Variants in UBR3 observed in about 807,000 individuals in gnomAD.
UBR3 encodes E3 ubiquitin-protein ligase UBR3.
In UBR3, 85 loss-of-function variants were observed where a neutral mutation model predicts 243.2. The ratio of observed to expected loss-of-function variants is 0.35; its 90% CI spans 0.29 to 0.42. The LOEUF (loss-of-function observed/expected upper bound fraction) is 0.42, where lower values mean the gene tolerates loss of function less well. Among genes scored for constraint, UBR3 ranks in the 10% least tolerant of loss-of-function variants. The pLI is 1.00. For missense variants in UBR3, 1,686 were observed against 2,300.8 expected, an observed-to-expected ratio of 0.73 and a Z score of 5.47; for synonymous variants, 748 against 799.8, an observed-to-expected ratio of 0.94 and a Z score of 1.09.
chr2:169,912,606 A>G (rs1251378639), intron 10 of UBR3, among the ~76,000 whole-genome samples: 6 of 152,126 alleles, frequency 3.9e-5, no homozygotes, highest in Admixed American at 3.3e-4. Flanking sequence ...CCTTTAATCA[A>G]TTGATAGATA....
At chr2:170,064,803 A>ATT in intron 35 of UBR3, among the ~76,000 whole-genome samples, 12 of 87,872 alleles carry the variant, frequency 1.4e-4, no homozygotes, top group Admixed American at 2.5e-4. Flanking sequence ...TGCTTTTTCT[A>ATT]TTTTTTTTTT....
chr2:169,836,377 G>A lies in UBR3; in HGVS notation c.545+8325G>A, dbSNP rs146266851. ...TGGAATTACAGGCATGGGCTACCAC[G>A]CCTGGCCCCACCAGGAATTTGAGGT... On this transcript the variant is annotated intron_variant, in intron 1 of 38. Coordinates refer to ENST00000272793, the MANE Select transcript of UBR3 (RefSeq NM_172070.4). Among the ~76,000 whole-genome samples, 8 of 151,700 alleles carry A rather than the reference G, an allele frequency of 5.3e-5. No individual in the cohort carries two copies. The East Asian group carries it at 1.4e-3, about 26-fold the overall frequency.
intron 1 of UBR3, among the ~76,000 whole-genome samples, chr2:169,866,256 C>A (rs1402741753): frequency 3.0e-4 from 34 of 113,284 alleles, no homozygotes; most frequent in African/African-American, 9.7e-4. Context: ...GACTGTGTCT[C>A]AAAAAAAAAA....
At chr2:169,845,436 AG>A (rs2082431787) in intron 1 of UBR3, among the ~76,000 whole-genome samples, 2 of 146,966 alleles carry the variant, frequency 1.4e-5, no homozygotes, top group Admixed American at 1.4e-4. Flanking sequence ...AAAAAAAAAA[AG>A]AAATTTTGAG....
At chr2:169,948,023 A>G (rs1464392802) in intron 22 of UBR3, 7 of 736,264 alleles carry the variant, frequency 9.5e-6, no homozygotes, top group African/African-American at 3.8e-5. Context: ...TTGTGTGTGT[A>G]TGGGTGTTTA....
intron 24 of UBR3, among the ~76,000 whole-genome samples, chr2:169,970,377 G>C (rs1255484844): frequency 5.1e-5 from 2 of 39,030 alleles, no homozygotes; most frequent in Non-Finnish European, 9.3e-5. Flanking sequence ...CATTGTGCAG[G>C]TTAGTTACAT....
chr2:169,877,461 A>AT (rs1441563273), intron 3 of UBR3, 33 bp from the exon 4 acceptor site: 7 of 1,509,314 alleles, frequency 4.6e-6, no homozygotes, highest in African/African-American at 1.4e-5. Context: ...TGAATGGAAT[A>AT]TTTTTTTCTG....
chr2:170,081,162 A>G (rs567353537), intron 38 of UBR3, among the ~76,000 whole-genome samples: 7 of 151,072 alleles, frequency 4.6e-5, no homozygotes, highest in African/African-American at 7.3e-5. Flanking sequence ...CTGCACACCA[A>G]CCTGGGCAAC....
chr2:169,876,245 T>C (rs913888517), intron 3 of UBR3, among the ~76,000 whole-genome samples: 3 of 152,038 alleles, frequency 2.0e-5, no homozygotes, highest in African/African-American at 7.2e-5. Context: ...TACGCCCAGC[T>C]AATTTTTTGT....
intron 1 of UBR3, among the ~76,000 whole-genome samples, chr2:169,870,957 A>G (rs1260425854): frequency 6.6e-6 from 1 of 151,578 alleles, no homozygotes; most frequent in African/African-American, 2.4e-5. Flanking sequence ...CCTGGCCAAA[A>G]CTGTCTTTAA....
intron 25 of UBR3, among the ~76,000 whole-genome samples, chr2:169,987,245 T>C (rs1387254441): frequency 1.3e-5 from 2 of 151,810 alleles, no homozygotes; most frequent in African/African-American, 4.8e-5. Context: ...ATATAAAATA[T>C]TGGCCGGTGT....
intron 32 of UBR3, among the ~76,000 whole-genome samples, chr2:170,043,098 TTA>T (rs1158907192): frequency 6.6e-6 from 1 of 152,158 alleles, no homozygotes; most frequent in Admixed American, 6.6e-5. Flanking sequence ...AAAAATTACT[TTA>T]TGTCTTCAAA....
intron 24 of UBR3, among the ~76,000 whole-genome samples, chr2:169,976,108 C>T (rs2088426873): frequency 1.4e-5 from 2 of 148,092 alleles, no homozygotes; most frequent in Non-Finnish European, 3.0e-5. Context: ...AGTTGGGCCA[C>T]TTTTTTTTTT....
At chr2:169,875,445 C>T (rs1381116047) in intron 2 of UBR3, among the ~76,000 whole-genome samples, 1 of 152,168 alleles carries the variant, frequency 6.6e-6, no homozygotes, top group East Asian at 1.9e-4. Context: ...CCTCCTGCCT[C>T]AGACTCCTGA....
intron 1 of UBR3, among the ~76,000 whole-genome samples, chr2:169,828,283 T>C (rs2081812080): frequency 6.6e-6 from 1 of 151,934 alleles, no homozygotes; most frequent in Non-Finnish European, 1.5e-5. Context: ...GCTGTGAATT[T>C]TGGGGAAGCC....
chr2:169,952,569 C>T (rs1030741980), intron 23 of UBR3, among the ~76,000 whole-genome samples: 12 of 152,044 alleles, frequency 7.9e-5, no homozygotes, highest in Non-Finnish European at 1.6e-4. Flanking sequence ...GTGGCGTGTG[C>T]CTGTAGTCCC....
chr2:169,844,304 T>C (rs1249005016), intron 1 of UBR3, among the ~76,000 whole-genome samples: 1 of 152,152 alleles, frequency 6.6e-6, no homozygotes, highest in Admixed American at 6.5e-5. Flanking sequence ...CGGCCTCATA[T>C]TCGATTTCTT....
intron 35 of UBR3, among the ~76,000 whole-genome samples, chr2:170,061,920 C>A (rs191260436): frequency 6.6e-6 from 1 of 152,258 alleles, no homozygotes; most frequent in Admixed American, 6.5e-5. Flanking sequence ...AACATCCACC[C>A]ATTTTTATGA....
intron 5 of UBR3, among the ~76,000 whole-genome samples, chr2:169,880,779 T>C (rs917251484): frequency 6.6e-6 from 1 of 152,194 alleles, no homozygotes; most frequent in African/African-American, 2.4e-5. Context: ...CATCCTCAAG[T>C]AGGCCCCAGT....
Sources: allele counts gnomAD v4.1 joint callset (sites outside exome capture counted in the v4.1 genomes callset), GRCh38; gene constraint gnomAD v4.1.1; transcripts MANE v1.5; gene names NCBI Gene and HGNC (gene_info 2026-07-23, HGNC 2026-07-21).